MAX: variants seen among roughly 807,000 people sequenced by gnomAD.
The protein encoded by MAX is protein max.
In MAX, 3 loss-of-function variants were observed where a neutral mutation model predicts 22.3. That is an observed-to-expected ratio of 0.13 (90% CI 0.06 to 0.35). The LOEUF (loss-of-function observed/expected upper bound fraction) is 0.35. Among genes scored for constraint, MAX ranks in the 10% least tolerant of loss-of-function variants. MAX has a pLI of 1.00. For missense variants in MAX, 119 were observed against 209.4 expected (o/e 0.57, Z 2.66); for synonymous variants, 72 against 77.7 (o/e 0.93, Z 0.39).
intron 3 of MAX, among the ~76,000 whole-genome samples, chr14:65,080,471 T>G (rs1489331502): frequency 2.0e-5 from 3 of 152,120 alleles, no homozygotes; most frequent in Non-Finnish European, 4.4e-5. Context: ...GGAGATGGAA[T>G]GAAAAATGAT....
At chr14:65,018,271 A>C (rs1218655680) in intron 3 of MAX, among the ~76,000 whole-genome samples, 1 of 152,194 alleles carries the variant, frequency 6.6e-6, no homozygotes, top group Non-Finnish European at 1.5e-5. Flanking sequence ...TTGAGGCTGC[A>C]GTGAGCCATG....
chr14:65,077,815 T>A lies in MAX; in HGVS notation c.295+98A>T. 6.2e-7 allele frequency: 1 copy of A among 1,614,148 alleles called. No individual in the cohort carries two copies. The highest frequency in any genetic ancestry group is 8.5e-7 in the Non-Finnish European group (1 of 1,180,028). ...AGGACCAAGCCTGCTACTGAGCACATACTCCATGACTGGCTCTGACTCTGC... is the reference window on the plus strand; with the variant it reads ...AGGACCAAGCCTGCTACTGAGCACAAACTCCATGACTGGCTCTGACTCTGC... On this transcript the variant is annotated intron_variant, in intron 4 of 4. Transcript: ENST00000358664. The surrounding 1 kb of genome is among the most constrained non-coding windows in gnomAD (Gnocchi z 6.3).
chr14:65,073,365 T>A (rs560180495), downstream of MAX, among the ~76,000 whole-genome samples: 2 of 152,356 alleles, frequency 1.3e-5, no homozygotes, highest in East Asian at 3.9e-4. Flanking sequence ...TAAACCTGTC[T>A]CAGCTAAGAT....
chr14:65,060,422 C>T (rs1456197216), intron 3 of MAX, among the ~76,000 whole-genome samples: 1 of 145,846 alleles, frequency 6.9e-6, no homozygotes, highest in Non-Finnish European at 1.5e-5. Flanking sequence ...AACCCTGTCT[C>T]TACTAAAAAT....
chr14:65,044,657 T>G lies in MAX; in HGVS notation c.172-38373A>C. ...AGTGTCATTCTTTGCTTCTTCAAAT[T>G]GGCTGCGACAGAATGAGCTTCCTTG... On this transcript the variant is annotated intron_variant, in intron 3 of 3. Coordinates refer to the MAX transcript ENST00000341653. This position sits in a 1 kb window ranked among gnomAD's most constrained non-coding sequence, Gnocchi z 5.5. 1 of 726,454 alleles carries G rather than the reference T, an allele frequency of 1.4e-6. No individual in the cohort carries two copies. The highest frequency in any genetic ancestry group is 2.0e-6 in the Non-Finnish European group (1 of 488,618). The allele number at this position is 726,454 out of a possible 1,614,324, so 45.0% of individuals were successfully genotyped here. A position where few individuals can be genotyped will look rare whatever the true frequency, so the allele number is the denominator to read the frequency against.
At chr14:65,019,069 A>AT (rs2061836470) in intron 3 of MAX, among the ~76,000 whole-genome samples, 8 of 152,198 alleles carry the variant, frequency 5.3e-5, no homozygotes, top group Admixed American at 4.6e-4. Flanking sequence ...CCTACTCAGG[A>AT]GGCTGAGGCA....
chr14:65,072,617 G>T (rs1003252154), downstream of MAX, among the ~76,000 whole-genome samples: 1 of 152,198 alleles, frequency 6.6e-6, no homozygotes, highest in Non-Finnish European at 1.5e-5. Context: ...GCACACTTTA[G>T]ATTAGAGGGG....
chr14:65,084,573 C>G lies in MAX; in HGVS notation c.172-6537G>C, dbSNP rs1382899510. Reference sequence around the variant, plus strand: ...AAGGTCAGATGCTCGCACCCCTCAACCCAGAAATCCAACTTCTTGGAGTCT... The same window carrying G: ...AAGGTCAGATGCTCGCACCCCTCAAGCCAGAAATCCAACTTCTTGGAGTCT... On this transcript the variant is annotated intron_variant, in intron 3 of 4. Coordinates refer to ENST00000358664, the MANE Select transcript of MAX (RefSeq NM_002382.5). This position sits in a 1 kb window ranked among gnomAD's most constrained non-coding sequence, Gnocchi z 4.3. 6.6e-6 allele frequency among the ~76,000 whole-genome samples: 1 copy of G among 152,092 alleles called. No individual in the cohort carries two copies. Among genetic ancestry groups the G allele is most frequent in the Non-Finnish European group, 1.5e-5 (1 of 68,020 alleles).
At chr14:65,080,733 T>G (rs923222484) in intron 3 of MAX, among the ~76,000 whole-genome samples, 4 of 152,232 alleles carry the variant, frequency 2.6e-5, no homozygotes, top group Admixed American at 6.5e-5. Flanking sequence ...CAACTAATAG[T>G]TCCCAGAAGG....
At chr14:65,061,225 C>T (rs2062859762) in intron 3 of MAX, 1 of 1,614,066 alleles carries the variant, frequency 6.2e-7, no homozygotes, top group Admixed American at 1.7e-5. Flanking sequence ...ACAAGGTGAT[C>T]CAGGCCACTA....
rs545737436 is a variant in MAX at position 65,100,962 on chromosome 14, T to C, written c.63+584A>G. The stretch of plus-strand genomic sequence containing the variant: ...TTCAGCTATTTTTTAATTTTCTTTA[T>C]ACCTTTTCTTCAAATACAGAGAATC... On this transcript the variant is annotated intron_variant, in intron 2 of 4. Transcript: ENST00000358664. 6.9e-4 allele frequency among the ~76,000 whole-genome samples: 105 copies of C among 152,362 alleles called. 1 individual carries two copies. Among genetic ancestry groups the C allele is most frequent in the African/African-American group, 2.5e-3 (103 of 41,584 alleles).
intron 3 of MAX, among the ~76,000 whole-genome samples, chr14:65,024,925 T>TTTTG (rs368764031): frequency 2.0e-5 from 3 of 152,184 alleles, no homozygotes; most frequent in African/African-American, 7.2e-5. Flanking sequence ...GGCTCCTTTT[T>TTTTG]TTTGTTTGTT....
At chr14:65,073,162 T>C (rs2063006894), downstream of MAX, among the ~76,000 whole-genome samples, 1 of 152,212 alleles carries the variant, frequency 6.6e-6, no homozygotes, top group Non-Finnish European at 1.5e-5. Flanking sequence ...ATTATCCTCA[T>C]TTTATAGATA....
rs771123101 is a variant in MAX at position 65,077,544 on chromosome 14, T to C, written c.295+369A>G. On this transcript the variant is annotated intron_variant, in intron 4 of 4. Coordinates refer to ENST00000358664, the MANE Select transcript of MAX (RefSeq NM_002382.5). This position sits in a 1 kb window ranked among gnomAD's most constrained non-coding sequence, Gnocchi z 6.3. ...GGAGGGCTCACTGTCCCTGAACACC[T>C]GGAGTCTCTGGTACTTACACAGCAC... 2.1e-5 allele frequency: 19 copies of C among 924,768 alleles called. No individual in the cohort carries two copies. The South Asian group carries it at 2.2e-4, about 11-fold the overall frequency. The allele number at this position is 924,768 out of a possible 1,614,324, so 57.3% of individuals were successfully genotyped here.
chr14:65,061,185 C>T, intron 3 of MAX: 2 of 1,613,984 alleles, frequency 1.2e-6, no homozygotes, highest in Non-Finnish European at 1.7e-6. Flanking sequence ...TTGCAGCAGC[C>T]CACTCACCCA....
Position 65,077,492 on chromosome 14 carries a change from C to A in MAX, c.295+421G>T, listed in dbSNP as rs573899699. 180 of 1,132,576 alleles carry A rather than the reference C, an allele frequency of 1.6e-4. No homozygotes were observed. The highest frequency in any genetic ancestry group is 2.2e-4 in the Non-Finnish European group (165 of 740,320). 70.2% of individuals were successfully genotyped at this position (1,132,576 alleles called of 1,614,324 possible). A position where few individuals can be genotyped will look rare whatever the true frequency, so the allele number is the denominator to read the frequency against. On this transcript the variant is annotated intron_variant, in intron 4 of 4. Coordinates refer to ENST00000358664, the MANE Select transcript of MAX (RefSeq NM_002382.5). The surrounding 1 kb of genome is among the most constrained non-coding windows in gnomAD (Gnocchi z 6.3). The stretch of plus-strand genomic sequence containing the variant: ...CAGCATGGGCCTAGCCCATAGGCTG[C>A]CCTGATTGGACTACCATTGACAATG...
At chr14:65,051,834 G>A (rs891214025) in intron 3 of MAX, among the ~76,000 whole-genome samples, 12 of 145,326 alleles carry the variant, frequency 8.3e-5, no homozygotes, top group Admixed American at 4.2e-4. Context: ...TCGCTGTGTC[G>A]CCCAGGCTGG....
In MAX at chr14:65,083,737, G is replaced by A. The variant is rs895370183; in HGVS notation, c.172-5701C>T. On this transcript the variant is annotated intron_variant, in intron 3 of 4. Coordinates refer to ENST00000358664, the MANE Select transcript of MAX (RefSeq NM_002382.5). Reference sequence around the variant, plus strand: ...CTGGAGGGATGAAAAAAGAGGTACTGCTGGACTCAACAACTGACATCTGTT... The same window carrying A: ...CTGGAGGGATGAAAAAAGAGGTACTACTGGACTCAACAACTGACATCTGTT... The A allele has an allele frequency of 1.0e-5, 11 of 1,073,726 alleles. No individual in the cohort carries two copies. The Admixed American group carries it at 3.3e-4, about 33-fold the overall frequency. 66.5% of individuals were successfully genotyped at this position (1,073,726 alleles called of 1,614,324 possible).
chr14:65,037,394 C>T (rs1424268125), intron 3 of MAX, among the ~76,000 whole-genome samples: 6 of 120,156 alleles, frequency 5.0e-5, no homozygotes, highest in Admixed American at 3.7e-4. Flanking sequence ...TGAGCCACCA[C>T]GCCGGGCCCT....
Sources: allele counts gnomAD v4.1 joint callset (sites outside exome capture counted in the v4.1 genomes callset), GRCh38; gene constraint gnomAD v4.1.1; non-coding constraint Gnocchi (gnomAD v3.1); transcripts MANE v1.5; gene names NCBI Gene and HGNC (gene_info 2026-07-23, HGNC 2026-07-21).